LRRK2: variants seen among roughly 807,000 people sequenced by gnomAD.
LRRK2 encodes leucine rich repeat kinase 2.
LRRK2 carries 203 observed loss-of-function variants against 302.6 expected under a neutral mutation model. The ratio of observed to expected loss-of-function variants is 0.67; its 90% CI spans 0.60 to 0.75. LRRK2 has a LOEUF of 0.75. LRRK2 is among the 30% of genes least tolerant of loss of function. LRRK2 has a pLI of 0.00. For missense variants in LRRK2, 2,830 were observed against 2,951.0 expected (o/e 0.96, Z 0.95); for synonymous variants, 1,066 against 1,031.9 (o/e 1.03, Z -0.63).
chr12:40,227,294 T>C (rs1348894749), intron 2 of LRRK2, among the ~76,000 whole-genome samples: 1 of 152,190 alleles, frequency 6.6e-6, no homozygotes, highest in Non-Finnish European at 1.5e-5. Flanking sequence ...ACCTCGAACA[T>C]TTTTCTTTGT....
intron 35 of LRRK2, 88 bp from the exon 36 acceptor site, chr12:40,321,947 T>A: frequency 1.6e-6 from 2 of 1,277,232 alleles, no homozygotes; most frequent in Non-Finnish European, 2.3e-6. Flanking sequence ...AATGAATAGA[T>A]CTGTATTACA....
intron 39 of LRRK2, among the ~76,000 whole-genome samples, chr12:40,333,609 C>T (rs961293181): frequency 3.3e-5 from 5 of 152,000 alleles, no homozygotes; most frequent in South Asian, 2.1e-4. Context: ...ACCACATCTT[C>T]GGAGTGGCCT....
At chr12:40,257,136 G>C in intron 11 of LRRK2, 112 bp from the exon 12 acceptor site, 1 of 748,218 alleles carries the variant, frequency 1.3e-6, no homozygotes, top group Non-Finnish European at 2.2e-6. Flanking sequence ...AATTATGTGT[G>C]CTCTTGTATA....
At chr12:40,354,843 A>AC (rs1555195285) in intron 45 of LRRK2, among the ~76,000 whole-genome samples, 1 of 24,982 alleles carries the variant, frequency 4.0e-5, no homozygotes, top group African/African-American at 7.4e-5. Flanking sequence ...AAAAAAAAAA[A>AC]ATATATATAT....
At chr12:40,294,023 CT>C (rs1944272821) in intron 21 of LRRK2, among the ~76,000 whole-genome samples, 2 of 151,596 alleles carry the variant, frequency 1.3e-5, no homozygotes, top group South Asian at 2.1e-4. Context: ...CCCATGAACA[CT>C]TTAGCTAGAA....
rs1043499309 is a variant in LRRK2 at position 40,278,101 on chromosome 12, T to C, written c.2081T>C (p.Leu694Pro). 1.2e-6 allele frequency: 2 copies of C among 1,614,078 alleles called. No individual in the cohort carries two copies. Among genetic ancestry groups the C allele is most frequent in the Non-Finnish European group, 1.7e-6 (2 of 1,179,988 alleles). Reference protein sequence around the residue: ...MEQKDQQFLNLCCKCFAKVAM... With the variant: ...MEQKDQQFLNPCCKCFAKVAM... ...TTCCACTCTTTTTAGTTTCTAAACC[T>C]CTGTTGCAAGTGTTTTGCAAAAGTA... The change falls in exon 18 of 51, where the codon CTC becomes CCC. Residue 694 changes from leucine to proline, a missense_variant. Coordinates refer to ENST00000298910, the MANE Select transcript of LRRK2 (RefSeq NM_198578.4).
intron 41 of LRRK2, among the ~76,000 whole-genome samples, chr12:40,345,398 G>T (rs967090707): frequency 6.6e-6 from 1 of 151,886 alleles, no homozygotes; most frequent in Admixed American, 6.6e-5. Flanking sequence ...CGAGGTGGGT[G>T]GATCACTTGA....
chr12:40,260,512 T>C (rs952846980), intron 13 of LRRK2, among the ~76,000 whole-genome samples: 1 of 151,392 alleles, frequency 6.6e-6, no homozygotes. Flanking sequence ...AGAGGAGTGC[T>C]TGGGGATGAG....
rs192350802 is a variant in LRRK2 at position 40,293,913 on chromosome 12, A to G, written c.2808+250A>G. 1.1e-3 allele frequency among the ~76,000 whole-genome samples: 169 copies of G among 151,024 alleles called. 1 individual carries two copies. Among genetic ancestry groups the G allele is most frequent in the South Asian group, 7.3e-3 (35 of 4,786 alleles). On this transcript the variant is annotated intron_variant, in intron 21 of 50. Coordinates refer to ENST00000298910, the MANE Select transcript of LRRK2 (RefSeq NM_198578.4). Reference sequence around the variant, plus strand: ...TTGGGGCACATATATATATATATATATACTTACAGTACACTTCAAGATGGT... The same window carrying G: ...TTGGGGCACATATATATATATATATGTACTTACAGTACACTTCAAGATGGT...
intron 29 of LRRK2, 26 bp downstream of exon 29, chr12:40,308,722 A>G (rs201975281): frequency 1.3e-5 from 21 of 1,600,816 alleles, no homozygotes; most frequent in Non-Finnish European, 1.7e-5. Flanking sequence ...GAATTTTAAA[A>G]TTCACTTTTA....
chr12:40,237,559 G>A (rs1259633368), intron 4 of LRRK2, among the ~76,000 whole-genome samples: 2 of 152,142 alleles, frequency 1.3e-5, no homozygotes, highest in Non-Finnish European at 2.9e-5. Context: ...GATGACTTAG[G>A]AGTTTCTCTT....
At chr12:40,267,058 C>T (rs1943048621) in intron 14 of LRRK2, among the ~76,000 whole-genome samples, 1 of 151,984 alleles carries the variant, frequency 6.6e-6, no homozygotes, top group Non-Finnish European at 1.5e-5. Context: ...GGGTGTAGCA[C>T]ACCAACATGG....
At chr12:40,319,303 C>T (rs1051831374) in intron 33 of LRRK2, among the ~76,000 whole-genome samples, 5 of 151,958 alleles carry the variant, frequency 3.3e-5, no homozygotes, top group African/African-American at 1.2e-4. Context: ...AATCAAATAC[C>T]TTTCCCAAGG....
intron 14 of LRRK2, among the ~76,000 whole-genome samples, chr12:40,270,841 T>A (rs11564207): frequency 0.13 from 19,560 of 152,176 alleles, 1,353 homozygotes; most frequent in South Asian, 0.16. Flanking sequence ...AGGATAAAGA[T>A]AGGTGCTTTA....
At chr12:40,328,863 C>CA (rs1945628735) in intron 39 of LRRK2, among the ~76,000 whole-genome samples, 2 of 152,218 alleles carry the variant, frequency 1.3e-5, no homozygotes, top group East Asian at 1.9e-4. Context: ...CCACAGTAGT[C>CA]AGACTCCTAG....
intron 28 of LRRK2, 129 bp downstream of exon 28, chr12:40,306,095 G>A: frequency 1.4e-6 from 1 of 694,170 alleles, no homozygotes; most frequent in East Asian, 2.8e-5. Context: ...TTAATATGCT[G>A]TGTGTCATTT....
chr12:40,291,424 A>G (rs1164071563), intron 20 of LRRK2, among the ~76,000 whole-genome samples: 2 of 118,178 alleles, frequency 1.7e-5, no homozygotes, highest in African/African-American at 6.4e-5. Flanking sequence ...AACTTAAAGT[A>G]TAATAAAATA....
At chr12:40,290,597 T>G (rs1592232036) in intron 20 of LRRK2, among the ~76,000 whole-genome samples, 2 of 152,196 alleles carry the variant, frequency 1.3e-5, no homozygotes. Context: ...TAATTTTCTT[T>G]TACTTCTTAA....
intron 7 of LRRK2, among the ~76,000 whole-genome samples, chr12:40,244,731 T>C (rs1303456861): frequency 1.1e-5 from 1 of 90,394 alleles, no homozygotes; most frequent in African/African-American, 4.4e-5. Context: ...TGGGGACTGT[T>C]GTGGGGTGGG....
Sources: gnomAD v4.1 joint callset for allele counts (sites outside exome capture counted in the v4.1 genomes callset) on GRCh38, gnomAD v4.1.1 for gene constraint, MANE v1.5 for transcripts, NCBI Gene and HGNC (gene_info 2026-07-23, HGNC 2026-07-21) for gene names.